Variants in RHD observed in about 807,000 individuals in gnomAD.
RHD encodes Rh blood group D antigen, also known as blood group Rh(D) polypeptide.
A neutral mutation model predicts 45.5 loss-of-function variants in RHD; 16 were observed. That is an observed-to-expected ratio of 0.35 (90% CI 0.24 to 0.53). The LOEUF (loss-of-function observed/expected upper bound fraction) is 0.53. Among genes scored for constraint, RHD ranks in the 20% least tolerant of loss-of-function variants. The pLI is 0.92. For synonymous variants in RHD, 131 were observed against 217.5 expected (o/e 0.60, Z 3.50); for missense variants, 306 against 532.0 (o/e 0.58, Z 4.18).
At chr1:25,286,349 C>T (rs1342831653) in intron 2 of RHD, among the ~76,000 whole-genome samples, 3 of 134,810 alleles carry the variant, frequency 2.2e-5, no homozygotes, top group Non-Finnish European at 3.5e-5. Flanking sequence ...ATCAGCTAGG[C>T]GTGGTGGTGT....
chr1:25,300,630 T>A (rs28572396), intron 3 of RHD, among the ~76,000 whole-genome samples: 1 of 129,274 alleles, frequency 7.7e-6, no homozygotes, highest in South Asian at 2.4e-4. Context: ...GCAAACACGG[T>A]GAAACCCCAT....
At chr1:25,309,592 T>A (rs1472960480) in intron 7 of RHD, among the ~76,000 whole-genome samples, 3 of 129,252 alleles carry the variant, frequency 2.3e-5, no homozygotes, top group African/African-American at 8.5e-5. Context: ...ATCTCTGGAA[T>A]GCCAGTATGG....
At chr1:25,287,373 G>C (rs1249269054) in intron 2 of RHD, among the ~76,000 whole-genome samples, 5 of 135,438 alleles carry the variant, frequency 3.7e-5, no homozygotes, top group Non-Finnish European at 8.8e-5. Context: ...CGAGAAGGGA[G>C]AGAAGTCACT....
rs1644639794 is a variant in RHD, at chr1:25,320,458, G to C, written c.1154-1431G>C. On this transcript the variant is annotated intron_variant, in intron 8 of 9. Transcript: ENST00000328664. The stretch of plus-strand genomic sequence containing the variant: ...CTGGAAAATTCATGCAGGCGCCAGA[G>C]ATCGTTACTGAGTAATTCAAGCTAA... 2.3e-5 allele frequency among the ~76,000 whole-genome samples: 3 copies of C among 132,216 alleles called. 1 individual carries two copies. The highest frequency in any genetic ancestry group is 5.4e-5 in the Non-Finnish European group (3 of 55,892). 86.7% of individuals were successfully genotyped at this position (132,216 alleles called of 152,430 possible). A position where few individuals can be genotyped will look rare whatever the true frequency, so the allele number is the denominator to read the frequency against.
At chr1:25,303,608 C>A in intron 6 of RHD, 149 bp downstream of exon 6, 1 of 897,996 alleles carries the variant, frequency 1.1e-6, no homozygotes, top group Non-Finnish European at 1.7e-6. Context: ...GGGATCCATC[C>A]TGGCTCGGTG....
At chr1:25,276,137 G>A (rs1376850142) in intron 1 of RHD, among the ~76,000 whole-genome samples, 3 of 131,380 alleles carry the variant, frequency 2.3e-5, no homozygotes, top group African/African-American at 7.8e-5. Flanking sequence ...AATATCTTAC[G>A]ATATACAAGG....
In RHD at chr1:25,330,258, A is replaced by G. The variant is rs1194634813; in HGVS notation, c.*1334A>G. 25 of 132,816 alleles carry G rather than the reference A, an allele frequency of 1.9e-4. 1 individual carries two copies. Among genetic ancestry groups the G allele is most frequent in the African/African-American group, 6.2e-4 (24 of 38,726 alleles). The allele number at this position is 132,816 out of a possible 1,614,324, so 8.2% of individuals were successfully genotyped here. ...TTTCTTAGGCACTTCTTAACAGACA[A>G]TTGGTCAAAATGAACTCCATTGCTT... is the stretch of plus-strand genomic sequence containing the variant. On this transcript the variant is annotated 3_prime_UTR_variant, in exon 10 of 10. Coordinates refer to ENST00000328664, the MANE Select transcript of RHD (RefSeq NM_016124.6).
chr1:25,284,278 A>G (rs529128563), intron 1 of RHD, among the ~76,000 whole-genome samples: 1 of 135,974 alleles, frequency 7.4e-6, no homozygotes, highest in East Asian at 1.9e-4. Context: ...ATTAGGTTTA[A>G]TAATAGAATA....
chr1:25,307,413 A>G lies in RHD; in HGVS notation c.1073+684A>G, dbSNP rs1345823376. 4.5e-5 allele frequency among the ~76,000 whole-genome samples: 6 copies of G among 132,206 alleles called. 1 individual carries two copies. Among genetic ancestry groups the G allele is most frequent in the African/African-American group, 1.6e-4 (6 of 38,444 alleles). The allele number at this position is 132,206 out of a possible 152,430, so 86.7% of individuals were successfully genotyped here. A position where few individuals can be genotyped will look rare whatever the true frequency, so the allele number is the denominator to read the frequency against. On this transcript the variant is annotated intron_variant, in intron 7 of 9. Coordinates refer to ENST00000328664, the MANE Select transcript of RHD (RefSeq NM_016124.6). ...AATATTTTCTGGACATGGCTTATAT[A>G]AAATGAAAAAGTGAATTGGGCACGA... is the stretch of plus-strand genomic sequence containing the variant.
chr1:25,282,971 T>G (rs1389425640), intron 1 of RHD, among the ~76,000 whole-genome samples: 5 of 132,162 alleles, frequency 3.8e-5, no homozygotes, highest in Admixed American at 2.9e-4. Flanking sequence ...CTCCCAAACT[T>G]AGAGACAATA....
In RHD at chr1:25,307,750, A is replaced by T. The variant is rs556304613; in HGVS notation, c.1073+1021A>T. 90 of 1,307,268 alleles carry T rather than the reference A, an allele frequency of 6.9e-5. 18 individuals carry two copies. The Middle Eastern group carries it at 1.3e-3, about 19-fold the overall frequency. The allele number at this position is 1,307,268 out of a possible 1,614,324, so 81.0% of individuals were successfully genotyped here. On this transcript the variant is annotated intron_variant, in intron 7 of 9. Transcript: ENST00000328664. ...AAATCATGGAGGCGCTGCGGTTCCT[A>T]CCGGTTCTTGGATGCCTTCTACAGA...
intron 3 of RHD, among the ~76,000 whole-genome samples, chr1:25,293,815 A>G (rs1479168591): frequency 7.6e-6 from 1 of 132,102 alleles, no homozygotes; most frequent in Non-Finnish European, 1.8e-5. Context: ...AAATATGGAA[A>G]TTTGATCATG....
rs1208304238 is a variant in RHD at position 25,305,058 on chromosome 1, C to G, written c.940-1538C>G. Among the ~76,000 whole-genome samples the G allele has an allele frequency of 1.7e-4, 23 of 132,610 alleles. 2 individuals are homozygous for G. Among genetic ancestry groups the G allele is most frequent in the South Asian group, 6.9e-4 (3 of 4,362 alleles). The allele number at this position is 132,610 out of a possible 152,430, so 87.0% of individuals were successfully genotyped here. A position where few individuals can be genotyped will look rare whatever the true frequency, so the allele number is the denominator to read the frequency against. ...GTTTAGTGAGCGAAATGGATACACA[C>G]AATACAGTGTGAGAACAGCAAGAGG... On this transcript the variant is annotated intron_variant, in intron 6 of 9. Transcript: ENST00000328664.
chr1:25,274,353 C>T (rs925545216), intron 1 of RHD, among the ~76,000 whole-genome samples: 7 of 132,640 alleles, frequency 5.3e-5, no homozygotes, highest in Admixed American at 3.7e-4. Flanking sequence ...CCCCATTTTA[C>T]AGTGGGCTTG....
In RHD at chr1:25,286,891, G is replaced by A. The variant is rs558447523; in HGVS notation, c.335+2132G>A. Among the ~76,000 whole-genome samples, 23 of 134,458 alleles carry A rather than the reference G, an allele frequency of 1.7e-4. No individual in the cohort carries two copies. In the South Asian group the frequency reaches 4.0e-3, roughly 23 times the overall value. The allele number at this position is 134,458 out of a possible 152,430, so 88.2% of individuals were successfully genotyped here. On this transcript the variant is annotated intron_variant, in intron 2 of 9. Transcript: ENST00000328664. The stretch of plus-strand genomic sequence containing the variant: ...GTGGATTACCTGAGGTCAGGAGTCC[G>A]AGACCAACCTGAGCAACATGGTGAA...
intron 3 of RHD, among the ~76,000 whole-genome samples, chr1:25,292,283 G>GAT (rs1642575515): frequency 7.6e-6 from 1 of 132,310 alleles, no homozygotes; most frequent in African/African-American, 2.6e-5. Context: ...GGAGAGCCAT[G>GAT]ATCTGACTTA....
Position 25,329,327 on chromosome 1 carries a change from C to G in RHD, c.*403C>G. On this transcript the variant is annotated 3_prime_UTR_variant, in exon 10 of 10. Transcript: ENST00000328664. ...TGGCACCATCTTGGCTCACTGCAAC[C>G]TCTACCTCCTGGGTTCAAGCAAATC... is the stretch of plus-strand genomic sequence containing the variant. 1 of 388,954 alleles carries G rather than the reference C, an allele frequency of 2.6e-6. No homozygotes were observed. The highest frequency in any genetic ancestry group is 3.5e-5 in the East Asian group (1 of 28,844). The allele number at this position is 388,954 out of a possible 1,614,324, so 24.1% of individuals were successfully genotyped here.
intron 8 of RHD, 116 bp from the exon 9 acceptor site, chr1:25,321,773 G>A (rs1571758683): frequency 1.9e-6 from 1 of 524,334 alleles, no homozygotes; most frequent in Non-Finnish European, 3.8e-6. Context: ...TCAATTGTGG[G>A]AGAAAAAGGA....
At chr1:25,301,875 A>T (rs1643417571) in intron 5 of RHD, among the ~76,000 whole-genome samples, 189 bp downstream of exon 5, 1 of 131,472 alleles carries the variant, frequency 7.6e-6, no homozygotes, top group East Asian at 2.0e-4. Flanking sequence ...GACTCAGGAG[A>T]CTGTCCAGTG....
Sources: gnomAD v4.1 joint callset for allele counts (sites outside exome capture counted in the v4.1 genomes callset) on GRCh38, gnomAD v4.1.1 for gene constraint, MANE v1.5 for transcripts, NCBI Gene and HGNC (gene_info 2026-07-23, HGNC 2026-07-21) for gene names.